ZNF385D: variants seen among roughly 807,000 people sequenced by gnomAD.
The protein encoded by ZNF385D is zinc finger protein 385D, also known as zinc finger protein 659.
ZNF385D carries 15 observed loss-of-function variants against 35.8 expected under a neutral mutation model. The observed-to-expected ratio is 0.42, with a 90% confidence interval of 0.28 to 0.64. ZNF385D has a LOEUF of 0.64. Ranked by LOEUF, ZNF385D falls within the 30% of genes least tolerant of loss-of-function variation. ZNF385D has a pLI of 0.23. For synonymous variants in ZNF385D, 212 were observed against 186.8 expected (o/e 1.13, Z -1.10); for missense variants, 474 against 494.6 (o/e 0.96, Z 0.39).
intron 3 of ZNF385D, among the ~76,000 whole-genome samples, chr3:22,072,463 T>C (rs1356043405): frequency 6.6e-6 from 1 of 152,080 alleles, no homozygotes; most frequent in Non-Finnish European, 1.5e-5. Flanking sequence ...TCACTAGAAC[T>C]AGAACTCGTC....
intron 3 of ZNF385D, among the ~76,000 whole-genome samples, chr3:21,815,558 A>C (rs2125717858): frequency 6.6e-6 from 1 of 152,282 alleles, no homozygotes; most frequent in Admixed American, 6.5e-5. Context: ...ACACCTCTCC[A>C]CAAATAAACT....
chr3:22,190,247 G>A (rs1477073720), intron 2 of ZNF385D, among the ~76,000 whole-genome samples: 1 of 152,116 alleles, frequency 6.6e-6, no homozygotes, highest in Non-Finnish European at 1.5e-5. Context: ...GAAATTTTAA[G>A]TTCAGGCTGA....
chr3:22,110,390 A>G (rs1310555600), intron 3 of ZNF385D, among the ~76,000 whole-genome samples: 1 of 151,980 alleles, frequency 6.6e-6, no homozygotes, highest in East Asian at 1.9e-4. Context: ...AACCAACCCA[A>G]ATGTCCAACA....
chr3:22,080,820 G>C (rs190576820), intron 3 of ZNF385D, among the ~76,000 whole-genome samples: 1 of 152,010 alleles, frequency 6.6e-6, no homozygotes, highest in Non-Finnish European at 1.5e-5. Context: ...TGGGACCCCA[G>C]AGAACTAGCT....
intron 3 of ZNF385D, among the ~76,000 whole-genome samples, chr3:21,970,751 G>A (rs1175017333): frequency 1.3e-5 from 2 of 152,088 alleles, no homozygotes; most frequent in East Asian, 3.9e-4. Context: ...AAGGAAGACT[G>A]CCTGAAGGCA....
At chr3:21,809,366 G>C (rs774958957) in intron 3 of ZNF385D, among the ~76,000 whole-genome samples, 13 of 143,586 alleles carry the variant, frequency 9.1e-5, no homozygotes, top group Non-Finnish European at 1.8e-4. Flanking sequence ...TTAAAATTAT[G>C]TTTGATAACT....
intron 3 of ZNF385D, among the ~76,000 whole-genome samples, chr3:21,529,271 T>C (rs1379694534): frequency 6.6e-6 from 1 of 152,190 alleles, no homozygotes; most frequent in Non-Finnish European, 1.5e-5. Context: ...AATCGAATTT[T>C]GGTTTCTGAT....
intron 2 of ZNF385D, among the ~76,000 whole-genome samples, chr3:22,203,405 C>G (rs1315530869): frequency 6.6e-6 from 1 of 152,154 alleles, no homozygotes; most frequent in Non-Finnish European, 1.5e-5. Context: ...CTAGTACACA[C>G]AGTGGGCTAT....
intron 4 of ZNF385D, among the ~76,000 whole-genome samples, chr3:21,453,068 A>C (rs771373098): frequency 6.6e-6 from 1 of 151,842 alleles, no homozygotes; most frequent in Non-Finnish European, 1.5e-5. Context: ...AAACCCATAC[A>C]TTTATGGCCA....
intron 3 of ZNF385D, among the ~76,000 whole-genome samples, chr3:21,787,256 G>A (rs2071726044): frequency 6.6e-6 from 1 of 152,090 alleles, no homozygotes. Flanking sequence ...GGTACCTCAG[G>A]TGTGGGTGCA....
At chr3:22,121,984 A>C (rs1001567329) in intron 3 of ZNF385D, among the ~76,000 whole-genome samples, 1 of 152,178 alleles carries the variant, frequency 6.6e-6, no homozygotes, top group Non-Finnish European at 1.5e-5. Context: ...AGATTAATTC[A>C]AACTGGCTAG....
At chr3:22,298,503 T>C (rs1702727550) in intron 2 of ZNF385D, among the ~76,000 whole-genome samples, 1 of 146,180 alleles carries the variant, frequency 6.8e-6, no homozygotes, top group Non-Finnish European at 1.5e-5. Flanking sequence ...TATATAAATA[T>C]ACATAAAACA....
chr3:21,927,842 G>A (rs1486495629), intron 3 of ZNF385D, among the ~76,000 whole-genome samples: 2 of 152,248 alleles, frequency 1.3e-5, no homozygotes, highest in East Asian at 1.9e-4. Context: ...GTACAAATGA[G>A]CGATTCAATG....
chr3:21,570,798 TA>T (rs1475823017), intron 2 of ZNF385D, among the ~76,000 whole-genome samples: 3 of 152,196 alleles, frequency 2.0e-5, no homozygotes, highest in African/African-American at 4.8e-5. Flanking sequence ...TCAAGCTTTG[TA>T]ATATTCATCA....
chr3:21,937,660 GTTA>G (rs1701325091), intron 3 of ZNF385D, among the ~76,000 whole-genome samples: 1 of 150,538 alleles, frequency 6.6e-6, no homozygotes, highest in African/African-American at 2.5e-5. Flanking sequence ...TTTAAATGAC[GTTA>G]TTTTCATGAA....
chr3:21,550,491 A>G (rs1399136381), intron 3 of ZNF385D, among the ~76,000 whole-genome samples: 1 of 152,214 alleles, frequency 6.6e-6, no homozygotes, highest in South Asian at 2.1e-4. Flanking sequence ...GAAAAATTAT[A>G]TATATTTTTT....
chr3:21,959,332 A>G (rs1253345383), intron 3 of ZNF385D, among the ~76,000 whole-genome samples: 4 of 152,194 alleles, frequency 2.6e-5, no homozygotes, highest in African/African-American at 7.2e-5. Flanking sequence ...AATGCAGCTA[A>G]GGAAATGCAA....
chr3:22,116,862 C>T (rs548036074), intron 3 of ZNF385D, among the ~76,000 whole-genome samples: 6 of 151,978 alleles, frequency 3.9e-5, no homozygotes, highest in Non-Finnish European at 7.4e-5. Flanking sequence ...TTGTCTGTAA[C>T]ACTAAAACTT....
At chr3:21,905,361 C>A (rs1699627672) in intron 3 of ZNF385D, among the ~76,000 whole-genome samples, 1 of 152,012 alleles carries the variant, frequency 6.6e-6, no homozygotes, top group Non-Finnish European at 1.5e-5. Context: ...GAGATAGCAG[C>A]AGACTTTTCT....
Sources: gnomAD v4.1 joint callset for allele counts (sites outside exome capture counted in the v4.1 genomes callset) on GRCh38, gnomAD v4.1.1 for gene constraint, MANE v1.5 for transcripts, NCBI Gene and HGNC (gene_info 2026-07-23, HGNC 2026-07-21) for gene names.